The following PLEK2 variants were observed in gnomAD, a reference collection of about 807,000 sequenced individuals.
PLEK2 encodes pleckstrin 2, also known as pleckstrin-2.
In PLEK2, 29 loss-of-function variants were observed where a neutral mutation model predicts 43.8. The observed-to-expected ratio is 0.66, with a 90% confidence interval of 0.49 to 0.90. The LOEUF (loss-of-function observed/expected upper bound fraction) is 0.90. Ranked by LOEUF, PLEK2 falls within the 40% of genes least tolerant of loss-of-function variation. The probability of loss-of-function intolerance (pLI) is 0.00; values close to 1 mark genes in which losing one functional copy is unlikely to be tolerated. For missense variants in PLEK2, 398 were observed against 448.1 expected, an observed-to-expected ratio of 0.89 and a Z score of 1.01; for synonymous variants, 162 against 173.2, an observed-to-expected ratio of 0.94 and a Z score of 0.51.
chr14:67,387,276 CTT>C lies in PLEK2; in HGVS notation c.*51_*52del, dbSNP rs1299277880. 3.8e-6 allele frequency: 6 copies of C among 1,565,042 alleles called. No individual in the cohort carries two copies. The Admixed American group carries it at 1.0e-4, about 26-fold the overall frequency. On this transcript the variant is annotated 3_prime_UTR_variant, in exon 9 of 9. Transcript: ENST00000216446. ...TTAACACTCCCATTCTCCAGGAACT[CTT>C]GTCTGTGTCATCTGGTAGGAGGGAG... is the stretch of plus-strand genomic sequence containing the variant.
intron 1 of PLEK2, 75 bp downstream of exon 1, chr14:67,411,943 G>T: frequency 7.4e-7 from 1 of 1,347,606 alleles, no homozygotes; most frequent in Non-Finnish European, 1.0e-6. Flanking sequence ...CGGGGCGCGC[G>T]TCTGGCCCCG....
chr14:67,401,389 G>A (rs1257515713), intron 1 of PLEK2, among the ~76,000 whole-genome samples: 1 of 152,154 alleles, frequency 6.6e-6, no homozygotes, highest in Non-Finnish European at 1.5e-5. Flanking sequence ...GCACGTGCCT[G>A]TAGTCCAAGC....
At chr14:67,397,919 T>C (rs1466226929) in intron 1 of PLEK2, 93 bp from the exon 2 acceptor site, 1 of 1,003,460 alleles carries the variant, frequency 1.0e-6, no homozygotes, top group African/African-American at 1.6e-5. Context: ...GTAACCAGAC[T>C]GTGCTGTGGA....
chr14:67,409,774 C>T (rs1489533578), intron 1 of PLEK2, among the ~76,000 whole-genome samples: 1 of 152,222 alleles, frequency 6.6e-6, no homozygotes, highest in Non-Finnish European at 1.5e-5. Context: ...CCCTGCCCCA[C>T]CTCTGAGCTC....
At chr14:67,410,894 C>G (rs2086110962) in intron 1 of PLEK2, among the ~76,000 whole-genome samples, 1 of 152,046 alleles carries the variant, frequency 6.6e-6, no homozygotes, top group Non-Finnish European at 1.5e-5. Context: ...GCCTGTTATC[C>G]CAGCACCTTG....
intron 1 of PLEK2, among the ~76,000 whole-genome samples, chr14:67,400,805 T>C (rs539516796): frequency 1.3e-5 from 2 of 151,658 alleles, no homozygotes; most frequent in South Asian, 4.2e-4. Context: ...CTGGGCAACA[T>C]AGTGAAATGC....
chr14:67,387,451 T>C lies in PLEK2; in HGVS notation c.940A>G (p.Lys314Glu). 4 of 1,607,204 alleles carry C rather than the reference T, an allele frequency of 2.5e-6. No individual in the cohort carries two copies. The Admixed American group carries it at 5.1e-5, about 21-fold the overall frequency. The change falls in exon 9 of 9, where the codon AAA becomes GAA. Residue 314 changes from lysine to glutamate, a missense_variant. Coordinates refer to ENST00000216446, the MANE Select transcript of PLEK2 (RefSeq NM_016445.3). ...AAGAGGTTTCCCTGGACATTCCCTT[T>C]AACCCCTAGGCAGAAAAAAGGGGGA... ...LEDNGVPTGVKGNVQGNLFKV... is the reference protein window; with the variant it reads ...LEDNGVPTGVEGNVQGNLFKV...
chr14:67,404,649 A>C (rs2086067732), intron 1 of PLEK2, among the ~76,000 whole-genome samples: 1 of 151,752 alleles, frequency 6.6e-6, no homozygotes, highest in Admixed American at 6.6e-5. Context: ...GTCTCTACAA[A>C]TAATAAAAAA....
At chr14:67,388,427 G>C (rs2085942750) in intron 7 of PLEK2, 125 bp from the exon 8 acceptor site, 2 of 687,324 alleles carry the variant, frequency 2.9e-6, no homozygotes, top group Non-Finnish European at 5.3e-6. Flanking sequence ...AGATGAAGCT[G>C]AACTTGGACA....
chr14:67,411,084 C>T (rs75043617), intron 1 of PLEK2, among the ~76,000 whole-genome samples: 3,273 of 139,996 alleles, frequency 0.023, 140 homozygotes, highest in African/African-American at 0.083. Flanking sequence ...GAAGTCGAGG[C>T]TGTGGTGAGC....
intron 8 of PLEK2, 66 bp from the exon 9 acceptor site, chr14:67,387,522 A>G (rs2085935558): frequency 6.5e-7 from 1 of 1,530,662 alleles, no homozygotes; most frequent in East Asian, 2.3e-5. Context: ...ATCTTGAACC[A>G]GCAGAAAGTC....
chr14:67,388,706 G>A (rs1041086632), intron 7 of PLEK2, among the ~76,000 whole-genome samples: 1 of 152,034 alleles, frequency 6.6e-6, no homozygotes, highest in African/African-American at 2.4e-5. Context: ...TTGAGACGGA[G>A]TCTCACTCTG....
chr14:67,406,184 A>C (rs981870731), intron 1 of PLEK2, among the ~76,000 whole-genome samples: 2 of 151,218 alleles, frequency 1.3e-5, no homozygotes, highest in Admixed American at 6.6e-5. Context: ...ACTTGAACCC[A>C]GGAGGAGGAG....
At chr14:67,391,668 C>T (rs1451333441) in intron 6 of PLEK2, among the ~76,000 whole-genome samples, 5 of 152,156 alleles carry the variant, frequency 3.3e-5, no homozygotes, top group African/African-American at 9.7e-5. Context: ...GAAGGCTGTG[C>T]AAAATGTCTG....
At chr14:67,387,595 G>C (rs1320444090) in intron 8 of PLEK2, 139 bp from the exon 9 acceptor site, 1 of 899,376 alleles carries the variant, frequency 1.1e-6, no homozygotes, top group Non-Finnish European at 1.6e-6. Context: ...TACAGTTAGA[G>C]AATCCTATCA....
chr14:67,395,705 C>T (rs1020489271), intron 2 of PLEK2, 122 bp from the exon 3 acceptor site: 4 of 697,528 alleles, frequency 5.7e-6, no homozygotes, highest in Non-Finnish European at 9.9e-6. Context: ...CCTGAGCCCT[C>T]GGCCACATAG....
intron 1 of PLEK2, among the ~76,000 whole-genome samples, chr14:67,404,332 T>A (rs1376618225): frequency 6.6e-6 from 1 of 152,008 alleles, no homozygotes; most frequent in Non-Finnish European, 1.5e-5. Flanking sequence ...CTTCATATGA[T>A]ACCTAAAAAA....
chr14:67,395,530 A>G lies in PLEK2; in HGVS notation c.261T>C (p.Cys87=), dbSNP rs761240616. 1.2e-6 allele frequency: 2 copies of G among 1,614,192 alleles called. No homozygotes were observed. Among genetic ancestry groups the G allele is most frequent in the Non-Finnish European group, 1.7e-6 (2 of 1,179,992 alleles). ...QTSTEYFLEA[C]SREERDAWAF... The stretch of plus-strand genomic sequence containing the variant: ...CCCAGGCATCCCGCTCCTCTCGAGA[A>G]CAGGCCTCCAGGAAGTACTCCGTGG... The change falls in exon 3 of 9, where the codon TGT becomes TGC. Residue 87 remains cysteine, a synonymous_variant. Transcript: ENST00000216446.
intron 3 of PLEK2, among the ~76,000 whole-genome samples, chr14:67,394,695 G>C (rs2085993771): frequency 6.6e-6 from 1 of 152,184 alleles, no homozygotes; most frequent in Admixed American, 6.5e-5. Context: ...ACTGTGGTTT[G>C]AATGTTTATC....
Sources: gnomAD v4.1 joint callset for allele counts (sites outside exome capture counted in the v4.1 genomes callset) on GRCh38, gnomAD v4.1.1 for gene constraint, MANE v1.5 for transcripts, NCBI Gene and HGNC (gene_info 2026-07-23, HGNC 2026-07-21) for gene names.